STX8: variants seen among roughly 807,000 people sequenced by gnomAD.
STX8 encodes the protein syntaxin-8.
In STX8, 23 loss-of-function variants were observed where a neutral mutation model predicts 37.5. That is an observed-to-expected ratio of 0.61 (90% confidence interval 0.44 to 0.87). STX8 has a LOEUF of 0.87. Among genes scored for constraint, STX8 ranks in the 40% least tolerant of loss-of-function variants. STX8 has a pLI of 0.00. For synonymous variants in STX8, 115 were observed against 99.1 expected (o/e 1.16, Z -0.95); for missense variants, 313 against 284.7 (o/e 1.10, Z -0.71).
intron 7 of STX8, among the ~76,000 whole-genome samples, chr17:9,346,491 T>C (rs1910536941): frequency 6.6e-6 from 1 of 152,186 alleles, no homozygotes; most frequent in Non-Finnish European, 1.5e-5. Flanking sequence ...AGAAAAAGTT[T>C]AGCAAGCAAT....
chr17:9,311,132 G>A (rs999068528), intron 7 of STX8, among the ~76,000 whole-genome samples: 1 of 151,900 alleles, frequency 6.6e-6, no homozygotes, highest in African/African-American at 2.4e-5. Flanking sequence ...AGCTACTCAG[G>A]AGGCTGAGGC....
intron 6 of STX8, among the ~76,000 whole-genome samples, chr17:9,393,522 T>G (rs1219356950): frequency 1.1e-4 from 17 of 152,136 alleles, no homozygotes; most frequent in Admixed American, 1.1e-3. Flanking sequence ...GTATAATACA[T>G]AAGACAATTA....
intron 7 of STX8, among the ~76,000 whole-genome samples, chr17:9,268,096 C>T (rs1907295608): frequency 6.6e-6 from 1 of 152,074 alleles, no homozygotes; most frequent in South Asian, 2.1e-4. Flanking sequence ...CCAGACCCTC[C>T]CATATGCTCT....
At chr17:9,502,295 C>G (rs1597712088) in intron 5 of STX8, among the ~76,000 whole-genome samples, 1 of 152,146 alleles carries the variant, frequency 6.6e-6, no homozygotes, top group East Asian at 1.9e-4. Context: ...GGTTACCCAG[C>G]CCTGGGGTTT....
At chr17:9,564,740 G>C (rs895397534) in intron 2 of STX8, among the ~76,000 whole-genome samples, 2 of 152,172 alleles carry the variant, frequency 1.3e-5, no homozygotes, top group African/African-American at 4.8e-5. Context: ...CCATGCTCAT[G>C]GACAGCAAGA....
intron 7 of STX8, among the ~76,000 whole-genome samples, chr17:9,363,973 A>G (rs183646085): frequency 1.8e-4 from 27 of 152,180 alleles, no homozygotes; most frequent in Non-Finnish European, 3.5e-4. Context: ...TGAAGCGTCA[A>G]CGTTTGAACT....
intron 7 of STX8, among the ~76,000 whole-genome samples, chr17:9,331,894 T>A (rs1192278489): frequency 1.3e-5 from 2 of 151,728 alleles, no homozygotes; most frequent in African/African-American, 4.8e-5. Flanking sequence ...AAAAAAAAAA[T>A]TAAAAGGGAA....
At chr17:9,412,302 G>A (rs992856904) in intron 6 of STX8, among the ~76,000 whole-genome samples, 3 of 148,656 alleles carry the variant, frequency 2.0e-5, no homozygotes, top group African/African-American at 5.0e-5. Flanking sequence ...TTTTTGAGAC[G>A]GAGTTTTGCT....
intron 5 of STX8, among the ~76,000 whole-genome samples, chr17:9,499,544 G>A (rs958097121): frequency 5.9e-5 from 9 of 152,034 alleles, no homozygotes; most frequent in Non-Finnish European, 8.8e-5. Flanking sequence ...GACTACAGGC[G>A]CCCGCCACGG....
At chr17:9,454,788 C>G (rs1026768634) in intron 6 of STX8, among the ~76,000 whole-genome samples, 1 of 151,926 alleles carries the variant, frequency 6.6e-6, no homozygotes, top group Non-Finnish European at 1.5e-5. Flanking sequence ...AGCGAAACCA[C>G]ATATAAGGGG....
At chr17:9,319,000 G>A (rs1370481532) in intron 7 of STX8, among the ~76,000 whole-genome samples, 1 of 152,134 alleles carries the variant, frequency 6.6e-6, no homozygotes, top group Non-Finnish European at 1.5e-5. Flanking sequence ...AATCAATAAA[G>A]AGTAAATGAC....
chr17:9,491,250 C>A (rs1906840013), intron 6 of STX8, among the ~76,000 whole-genome samples: 2 of 151,866 alleles, frequency 1.3e-5, no homozygotes, highest in South Asian at 4.2e-4. Flanking sequence ...AATCCCGTGC[C>A]CCCGTATTTC....
rs542672859 is a variant in STX8 at position 9,329,746 on chromosome 17, GC to G, written c.643+48805del. 1.2e-3 allele frequency among the ~76,000 whole-genome samples: 178 copies of G among 152,352 alleles called. 2 individuals carry two copies. The highest frequency in any genetic ancestry group is 9.3e-4 in the Non-Finnish European group (63 of 68,034). On this transcript the variant is annotated intron_variant, in intron 7 of 7. Transcript: ENST00000306357. ...AAGTGAGCGGTAGGAGCCCGTCACA[GC>G]CAAGCAAATGGCAACTGGACAGAGT...
At chr17:9,282,385 C>G (rs1291752524) in intron 7 of STX8, among the ~76,000 whole-genome samples, 1 of 152,222 alleles carries the variant, frequency 6.6e-6, no homozygotes, top group Non-Finnish European at 1.5e-5. Context: ...TCACTCGCCT[C>G]AGCCTCCCAA....
intron 5 of STX8, among the ~76,000 whole-genome samples, chr17:9,504,043 C>T (rs556187727): frequency 6.6e-6 from 1 of 151,986 alleles, no homozygotes; most frequent in African/African-American, 2.4e-5. Flanking sequence ...GGATTACAGG[C>T]GTGAGCCACC....
chr17:9,305,950 G>T (rs544598538), intron 7 of STX8, among the ~76,000 whole-genome samples: 2 of 151,816 alleles, frequency 1.3e-5, no homozygotes, highest in East Asian at 3.9e-4. Flanking sequence ...TCACCATGTT[G>T]GTCAGGCTGG....
At chr17:9,510,250 A>T (rs1904979804) in intron 4 of STX8, among the ~76,000 whole-genome samples, 2 of 152,172 alleles carry the variant, frequency 1.3e-5, no homozygotes, top group Non-Finnish European at 2.9e-5. Context: ...ACAAAGAAAC[A>T]TCATATTTAA....
At chr17:9,505,941 CAAAA>C (rs11311287) in intron 4 of STX8, among the ~76,000 whole-genome samples, 6 of 101,562 alleles carry the variant, frequency 5.9e-5, no homozygotes, top group Admixed American at 1.0e-4. Context: ...GACTCTGTCT[CAAAA>C]AAAAAAAAAA....
chr17:9,497,031 A>G (rs951796679), intron 5 of STX8, among the ~76,000 whole-genome samples: 2 of 152,208 alleles, frequency 1.3e-5, no homozygotes, highest in African/African-American at 4.8e-5. Flanking sequence ...AACTAATACA[A>G]TCATTTTTTA....
Sources: allele counts gnomAD v4.1 joint callset (sites outside exome capture counted in the v4.1 genomes callset), GRCh38; gene constraint gnomAD v4.1.1; transcripts MANE v1.5; gene names NCBI Gene and HGNC (gene_info 2026-07-23, HGNC 2026-07-21).